Variants in ALDH1L2 observed in about 807,000 individuals in gnomAD.
The protein encoded by ALDH1L2 is mitochondrial 10-formyltetrahydrofolate dehydrogenase.
A neutral mutation model predicts 111.0 loss-of-function variants in ALDH1L2; 91 were observed. The ratio of observed to expected loss-of-function variants is 0.82; its 90% CI spans 0.69 to 0.98. ALDH1L2 has a LOEUF of 0.98. ALDH1L2 is among the 50% of genes least tolerant of loss of function. The pLI is 0.00. For synonymous variants in ALDH1L2, 374 were observed against 392.6 expected, an observed-to-expected ratio of 0.95 and a Z score of 0.56; for missense variants, 995 against 1,126.8, an observed-to-expected ratio of 0.88 and a Z score of 1.67.
At chr12:105,036,538 A>G (rs977733679) in intron 18 of ALDH1L2, among the ~76,000 whole-genome samples, 1 of 40,802 alleles carries the variant, frequency 2.5e-5, no homozygotes, top group Non-Finnish European at 3.8e-5. Context: ...ATATATATAT[A>G]TATATATATA....
Position 105,030,348 on chromosome 12 carries a change from A to T in ALDH1L2, c.2492T>A (p.Met831Lys). ...CCCATTTTGGAATTTAGAAATGACC[A>T]TAATAGGCCCAAAGGATTCCTCTTT... is the stretch of plus-strand genomic sequence containing the variant. ...LAKEESFGPI[M>K]VISKFQNGDI... Residue 831 changes from methionine to lysine, a missense_variant, in exon 21 of 23, where the codon ATG becomes AAG. Met to Lys is a moderately conservative substitution (Grantham distance 95, BLOSUM62 -1). Transcript: ENST00000258494. 3.1e-6 allele frequency: 5 copies of T among 1,612,626 alleles called. No homozygotes were observed. Among genetic ancestry groups the T allele is most frequent in the Non-Finnish European group, 4.2e-6 (5 of 1,179,166 alleles).
At chr12:105,063,645 T>C (rs1042153717) in intron 6 of ALDH1L2, among the ~76,000 whole-genome samples, 2 of 135,890 alleles carry the variant, frequency 1.5e-5, no homozygotes, top group African/African-American at 5.6e-5. Flanking sequence ...TCAGCCTTTA[T>C]AGCCTGAAGG....
chr12:105,080,109 A>T (rs1444328542), intron 1 of ALDH1L2, among the ~76,000 whole-genome samples: 2 of 152,228 alleles, frequency 1.3e-5, no homozygotes, highest in African/African-American at 4.8e-5. Context: ...ATCATGGTAC[A>T]TGCTTCCTGT....
chr12:105,073,805 C>T, intron 2 of ALDH1L2, 56 bp downstream of exon 2: 1 of 1,606,452 alleles, frequency 6.2e-7, no homozygotes, highest in East Asian at 2.2e-5. Flanking sequence ...AGATGGAAGT[C>T]CAGCATTGGT....
In ALDH1L2 at chr12:105,062,933, G is replaced by A. The variant is rs777126876; in HGVS notation, c.876C>T (p.Leu292=). The A allele has an allele frequency of 9.3e-6, 15 of 1,613,834 alleles. No individual in the cohort carries two copies. The highest frequency in any genetic ancestry group is 1.3e-5 in the Non-Finnish European group (15 of 1,179,912). ...AAAGAACAAGTCCATTTTTGGTAAC[G>A]AGACCAGGCTTCTTGGCACCTTTAA... ...LEIKGAKKPG[L]VTKNGLVLFG... The change falls in exon 7 of 23, where the codon CTC becomes CTT. Residue 292 remains leucine (L), a synonymous_variant. Transcript: ENST00000258494.
At chr12:105,029,353 A>G (rs1874583899) in intron 21 of ALDH1L2, among the ~76,000 whole-genome samples, 1 of 152,166 alleles carries the variant, frequency 6.6e-6, no homozygotes, top group Non-Finnish European at 1.5e-5. Flanking sequence ...TCAGAGGGTT[A>G]GTGAGGGGAG....
chr12:105,062,523 G>C (rs1008813343), intron 7 of ALDH1L2, among the ~76,000 whole-genome samples: 1 of 152,170 alleles, frequency 6.6e-6, no homozygotes, highest in African/African-American at 2.4e-5. Context: ...TCTGAGGAGG[G>C]CCACATCTAT....
At chr12:105,026,894 G>C (rs1874441249) in intron 21 of ALDH1L2, 150 bp from the exon 22 acceptor site, 5 of 938,606 alleles carry the variant, frequency 5.3e-6, no homozygotes, top group Non-Finnish European at 7.9e-6. Flanking sequence ...TTAGAGGCCA[G>C]GCATTGCTCT....
chr12:105,060,756 G>A (rs537210209), intron 9 of ALDH1L2: 49 of 262,938 alleles, frequency 1.9e-4, no homozygotes, highest in African/African-American at 7.3e-4. Context: ...CCTGGGAGGC[G>A]GAGGTTGCGG....
chr12:105,053,207 A>G (rs984548753), intron 10 of ALDH1L2, among the ~76,000 whole-genome samples: 1 of 152,218 alleles, frequency 6.6e-6, no homozygotes, highest in East Asian at 1.9e-4. Flanking sequence ...GGTAACTCAC[A>G]AGACCTCTAG....
intron 1 of ALDH1L2, among the ~76,000 whole-genome samples, chr12:105,075,443 G>C (rs1877999175): frequency 6.6e-6 from 1 of 152,130 alleles, no homozygotes; most frequent in African/African-American, 2.4e-5. Flanking sequence ...AAATTAGCCG[G>C]GTATGGTGGC....
chr12:105,049,849 G>T, intron 13 of ALDH1L2, 59 bp downstream of exon 13: 1 of 1,545,260 alleles, frequency 6.5e-7, no homozygotes, highest in Non-Finnish European at 8.8e-7. Context: ...ACAGTGCCTG[G>T]TACAAACTAA....
At chr12:105,048,944 T>G (rs961071831) in intron 13 of ALDH1L2, among the ~76,000 whole-genome samples, 1 of 126,438 alleles carries the variant, frequency 7.9e-6, no homozygotes, top group East Asian at 2.5e-4. Context: ...GGCAGGAGAA[T>G]TGCTTGAACC....
chr12:105,046,181 CTCTCTCTCTCTCTATATATA>C lies in ALDH1L2; in HGVS notation c.1863+509_1863+528del, dbSNP rs1302643356. ...TCTCTCTCTCTCTCTCTCTCTCTCT[CTCTCTCTCTCTCTATATATA>C]TATATATATATATATATATATTTTT... is the stretch of plus-strand genomic sequence containing the variant. On this transcript the variant is annotated intron_variant, in intron 15 of 22. Coordinates refer to ENST00000258494, the MANE Select transcript of ALDH1L2 (RefSeq NM_001034173.4). 1.3e-3 allele frequency among the ~76,000 whole-genome samples: 34 copies of C among 26,342 alleles called. No individual in the cohort carries two copies. In the East Asian group the frequency reaches 0.026, roughly 20 times the overall value. The allele number at this position is 26,342 out of a possible 152,430, so 17.3% of individuals were successfully genotyped here. A position where few individuals can be genotyped will look rare whatever the true frequency, so the allele number is the denominator to read the frequency against.
In ALDH1L2 at chr12:105,023,568, T is replaced by C. The variant is rs1874261596; in HGVS notation, c.*856A>G. On this transcript the variant is annotated 3_prime_UTR_variant, in exon 23 of 23. Coordinates refer to ENST00000258494, the MANE Select transcript of ALDH1L2 (RefSeq NM_001034173.4). Reference sequence around the variant, plus strand: ...TGAGCAAAGCATTAATGTGAGGTGCTTTACTTACATTACTGCAATGAATTC... The same window carrying C: ...TGAGCAAAGCATTAATGTGAGGTGCCTTACTTACATTACTGCAATGAATTC... The C allele has an allele frequency of 6.6e-6, 1 of 152,170 alleles. No homozygotes were observed. Among genetic ancestry groups the C allele is most frequent in the Admixed American group, 6.5e-5 (1 of 15,276 alleles). 9.4% of individuals were successfully genotyped at this position (152,170 alleles called of 1,614,324 possible). A position where few individuals can be genotyped will look rare whatever the true frequency, so the allele number is the denominator to read the frequency against.
In ALDH1L2 at chr12:105,057,614, G is replaced by T. The variant is rs145729917; in HGVS notation, c.1287+459C>A. 2.0e-3 allele frequency among the ~76,000 whole-genome samples: 302 copies of T among 152,256 alleles called. 2 individuals carry two copies. Among genetic ancestry groups the T allele is most frequent in the African/African-American group, 6.9e-3 (287 of 41,552 alleles). On this transcript the variant is annotated intron_variant, in intron 10 of 22. Transcript: ENST00000258494. Reference sequence around the variant, plus strand: ...AAATGATGATACAACATGGATGAACGTTGGACACATTATGCTAAGAGAAAG... The same window carrying T: ...AAATGATGATACAACATGGATGAACTTTGGACACATTATGCTAAGAGAAAG...
At chr12:105,052,331 G>T in intron 11 of ALDH1L2, 114 bp from the exon 12 acceptor site, 1 of 1,104,042 alleles carries the variant, frequency 9.1e-7, no homozygotes, top group Non-Finnish European at 1.2e-6. Flanking sequence ...AAAAAGTTAT[G>T]ATAAGAAATG....
At position 105,020,653 on chromosome 12, in the gene ALDH1L2, G is replaced by A. The variant is rs999333644; in HGVS notation, c.*3771C>T. On this transcript the variant is annotated 3_prime_UTR_variant, in exon 23 of 23. Transcript: ENST00000258494. ...AAGAATAAAGAATGACAGCAGATGGGGTATGAATGTGGGGGCATATGGCCT... is the reference window on the plus strand; with the variant it reads ...AAGAATAAAGAATGACAGCAGATGGAGTATGAATGTGGGGGCATATGGCCT... 2 of 152,196 alleles carry A rather than the reference G, an allele frequency of 1.3e-5. No individual in the cohort carries two copies. 9.4% of individuals were successfully genotyped at this position (152,196 alleles called of 1,614,324 possible).
chr12:105,051,943 C>CA (rs1471017416), intron 12 of ALDH1L2, 147 bp downstream of exon 12: 11 of 661,572 alleles, frequency 1.7e-5, no homozygotes, highest in African/African-American at 1.5e-4. Flanking sequence ...TGCCACCACT[C>CA]ACGCCTGTAA....
Sources: allele counts gnomAD v4.1 joint callset (sites outside exome capture counted in the v4.1 genomes callset), GRCh38; gene constraint gnomAD v4.1.1; transcripts MANE v1.5; gene names NCBI Gene and HGNC (gene_info 2026-07-23, HGNC 2026-07-21).